Variants in TRIO observed in about 807,000 individuals in gnomAD.
The protein encoded by TRIO is trio Rho guanine nucleotide exchange factor, also known as triple functional domain protein.
TRIO carries 58 observed loss-of-function variants against 351.9 expected under a neutral mutation model. The ratio of observed to expected loss-of-function variants is 0.16; its 90% CI spans 0.13 to 0.21. The LOEUF is 0.21. TRIO is among the 10% of genes least tolerant of loss of function. The pLI is 1.00. For missense variants in TRIO, 3,201 were observed against 4,027.8 expected, an observed-to-expected ratio of 0.79 and a Z score of 5.56; for synonymous variants, 1,758 against 1,595.7, an observed-to-expected ratio of 1.10 and a Z score of -2.42.
At chr5:14,491,857 GAT>G (rs951565440) in intron 48 of TRIO, among the ~76,000 whole-genome samples, 5 of 152,288 alleles carry the variant, frequency 3.3e-5, no homozygotes, top group Middle Eastern at 3.4e-3. Context: ...GATGCTTTGT[GAT>G]ATGTTCCCAT....
intron 3 of TRIO, among the ~76,000 whole-genome samples, chr5:14,281,021 G>A (rs1034163247): frequency 6.6e-6 from 1 of 152,136 alleles, no homozygotes; most frequent in African/African-American, 2.4e-5. Flanking sequence ...GGAGTCATGA[G>A]TTACTAGGAG....
intron 34 of TRIO, among the ~76,000 whole-genome samples, chr5:14,439,736 A>G (rs530351326): frequency 2.0e-5 from 3 of 152,156 alleles, no homozygotes; most frequent in Non-Finnish European, 4.4e-5. Context: ...CTATCACGGG[A>G]CCGTTTAAAG....
At chr5:14,257,897 G>A (rs1795116390) in intron 1 of TRIO, among the ~76,000 whole-genome samples, 1 of 152,176 alleles carries the variant, frequency 6.6e-6, no homozygotes, top group South Asian at 2.1e-4. Context: ...GTACAGCTAA[G>A]TTTCAGATAT....
chr5:14,347,691 T>G (rs1742551898), intron 11 of TRIO, among the ~76,000 whole-genome samples: 2 of 152,252 alleles, frequency 1.3e-5, no homozygotes, highest in Non-Finnish European at 2.9e-5. Context: ...AGACTGTCAG[T>G]GCAGAGGTTG....
intron 31 of TRIO, among the ~76,000 whole-genome samples, chr5:14,403,042 A>C (rs1467804616): frequency 7.2e-6 from 1 of 139,616 alleles, no homozygotes; most frequent in Non-Finnish European, 1.6e-5. Flanking sequence ...GTGAAGGTGC[A>C]GGTTGTGGTG....
intron 1 of TRIO, among the ~76,000 whole-genome samples, chr5:14,254,374 G>A (rs914465067): frequency 2.0e-5 from 3 of 152,300 alleles, no homozygotes. Context: ...GTTTCACCAT[G>A]TTGGCCAGGT....
chr5:14,390,128 G>C (rs542464106), intron 25 of TRIO, 103 bp from the exon 26 acceptor site: 1 of 1,020,872 alleles, frequency 9.8e-7, no homozygotes, highest in South Asian at 1.6e-5. Context: ...TACATGTTTT[G>C]TTCATTCTTT....
At chr5:14,323,512 T>A (rs180789281) in intron 9 of TRIO, among the ~76,000 whole-genome samples, 1 of 57,978 alleles carries the variant, frequency 1.7e-5, no homozygotes, top group African/African-American at 1.0e-4. Flanking sequence ...AAACAGCCAC[T>A]TAAGAACAGA....
intron 9 of TRIO, among the ~76,000 whole-genome samples, chr5:14,326,367 T>C (rs247144): frequency 0.87 from 132,317 of 152,244 alleles, 57,907 homozygotes; most frequent in African/African-American, 0.95. Flanking sequence ...AACAGCTTTC[T>C]GCCTTCTGAC....
intron 1 of TRIO, among the ~76,000 whole-genome samples, chr5:14,180,963 C>T (rs1275834705): frequency 6.6e-6 from 1 of 151,912 alleles, no homozygotes; most frequent in Non-Finnish European, 1.5e-5. Context: ...CTAGGGAAAT[C>T]CTTCAGAAAA....
Position 14,302,166 on chromosome 5 carries a change from C to T in TRIO, c.1369-2295C>T, listed in dbSNP as rs75081058. On this transcript the variant is annotated intron_variant, in intron 7 of 56. Transcript: ENST00000344204. ...TGGTTGTTGCTTCAAAAATTGGAGT[C>T]CAATATACTTTAATGATTTTGATAT... is the stretch of plus-strand genomic sequence containing the variant. 6.3e-3 allele frequency among the ~76,000 whole-genome samples: 956 copies of T among 152,234 alleles called. 12 individuals are homozygous for T. The highest frequency in any genetic ancestry group is 0.022 in the African/African-American group (925 of 41,530).
At chr5:14,395,684 A>G (rs562604212) in intron 28 of TRIO, among the ~76,000 whole-genome samples, 55 of 152,362 alleles carry the variant, frequency 3.6e-4, no homozygotes, top group Non-Finnish European at 5.1e-4. Flanking sequence ...TGCTGGCTGC[A>G]GTGTCATACC....
In TRIO at chr5:14,318,474, CTGAA is replaced by C. The variant is rs1319565617; in HGVS notation, c.1731+1734_1731+1737del. On this transcript the variant is annotated intron_variant, in intron 9 of 56. Transcript: ENST00000344204. ...CATCTCAAAAAAAAAAAAAAAAAGA[CTGAA>C]TGGCCCTGTAATTTTTAATTTTCAT... Among the ~76,000 whole-genome samples the C allele has an allele frequency of 6.1e-5, 9 of 148,156 alleles. No homozygotes were observed. The East Asian group carries it at 1.6e-3, about 26-fold the overall frequency.
chr5:14,357,504 T>C (rs1170510600), intron 11 of TRIO, among the ~76,000 whole-genome samples: 5 of 152,228 alleles, frequency 3.3e-5, no homozygotes, highest in Non-Finnish European at 7.3e-5. Context: ...AGGGTGTCTT[T>C]ACTCATCTAG....
intron 34 of TRIO, among the ~76,000 whole-genome samples, chr5:14,426,739 T>C (rs530546402): frequency 3.2e-4 from 48 of 151,714 alleles, no homozygotes; most frequent in African/African-American, 9.4e-4. Context: ...CAGCAGGGGG[T>C]TGCGGGGGGA....
chr5:14,448,103 A>G (rs1337220425), intron 34 of TRIO, among the ~76,000 whole-genome samples: 1 of 152,234 alleles, frequency 6.6e-6, no homozygotes, highest in Non-Finnish European at 1.5e-5. Flanking sequence ...ATAGTCTCAT[A>G]CGCATGCTGA....
intron 1 of TRIO, among the ~76,000 whole-genome samples, chr5:14,166,044 G>A (rs1788745473): frequency 6.6e-6 from 1 of 152,192 alleles, no homozygotes; most frequent in Non-Finnish European, 1.5e-5. Context: ...CCACTTAAGA[G>A]TGACGGTGTC....
rs1198294217 is a variant in TRIO, at chr5:14,294,016, A to T, written c.1176+882A>T. Among the ~76,000 whole-genome samples the T allele has an allele frequency of 1.3e-4, 8 of 63,330 alleles. No homozygotes were observed. The East Asian group carries it at 2.4e-3, about 19-fold the overall frequency. The allele number at this position is 63,330 out of a possible 152,430, so 41.5% of individuals were successfully genotyped here. On this transcript the variant is annotated intron_variant, in intron 6 of 56. Transcript: ENST00000344204. ...CACAGCAAGACCCCATCTCTAAAAA[A>T]AAAAAATAATAATTAAAAAATTAGC...
intron 13 of TRIO, among the ~76,000 whole-genome samples, chr5:14,361,460 A>G (rs1744147439): frequency 6.6e-6 from 1 of 152,210 alleles, no homozygotes; most frequent in Non-Finnish European, 1.5e-5. Context: ...CTGTTAGAAG[A>G]TCACAGCCTG....
Sources: allele counts gnomAD v4.1 joint callset (sites outside exome capture counted in the v4.1 genomes callset), GRCh38; gene constraint gnomAD v4.1.1; transcripts MANE v1.5; gene names NCBI Gene and HGNC (gene_info 2026-07-23, HGNC 2026-07-21).